CCDC60: variants seen among roughly 807,000 people sequenced by gnomAD.
CCDC60 encodes the protein coiled-coil domain containing 60.
CCDC60 carries 54 observed loss-of-function variants against 63.5 expected under a neutral mutation model. The ratio of observed to expected loss-of-function variants is 0.85; its 90% confidence interval spans 0.68 to 1.07. The LOEUF is 1.07. Among genes scored for constraint, CCDC60 ranks in the 50% least tolerant of loss-of-function variants. The probability of loss-of-function intolerance (pLI) is 0.00; values close to 1 mark genes in which losing one functional copy is unlikely to be tolerated. For synonymous variants in CCDC60, 206 were observed against 238.8 expected, an observed-to-expected ratio of 0.86 and a Z score of 1.27; for missense variants, 651 against 684.3, an observed-to-expected ratio of 0.95 and a Z score of 0.54.
chr12:119,337,046 T>C (rs1289530912), intron 1 of CCDC60, among the ~76,000 whole-genome samples: 1 of 152,184 alleles, frequency 6.6e-6, no homozygotes, highest in Non-Finnish European at 1.5e-5. Context: ...GGTCAGTCTG[T>C]GAAGGAGAGC....
chr12:119,539,684 G>T (rs1953101952), intron 13 of CCDC60, among the ~76,000 whole-genome samples: 1 of 152,214 alleles, frequency 6.6e-6, no homozygotes, highest in Admixed American at 6.5e-5. Context: ...CTTTCCAGGG[G>T]AGTGGCAGTT....
At chr12:119,390,934 G>C (rs1240164529) in intron 1 of CCDC60, among the ~76,000 whole-genome samples, 2 of 152,230 alleles carry the variant, frequency 1.3e-5, no homozygotes. Context: ...ATGCCACTTG[G>C]CTTAATTTCC....
rs376494018 is a variant in CCDC60 at position 119,428,732 on chromosome 12, T to G, written c.140T>G (p.Ile47Arg). ...KSIKYMDKEI[I>R]NLKKDLIRSR... ...ATCAAGTATATGGACAAGGAAATAATAAACCTCAAAAAGGACCTTATACGA... is the reference window on the plus strand; with the variant it reads ...ATCAAGTATATGGACAAGGAAATAAGAAACCTCAAAAAGGACCTTATACGA... Residue 47 changes from isoleucine to arginine, a missense_variant, in exon 2 of 14, where the codon ATA becomes AGA. Coordinates refer to ENST00000327554, the MANE Select transcript of CCDC60 (RefSeq NM_178499.5). 1.9e-6 allele frequency: 3 copies of G among 1,606,406 alleles called. No individual in the cohort carries two copies. Among genetic ancestry groups the G allele is most frequent in the African/African-American group, 1.3e-5 (1 of 74,912 alleles).
At chr12:119,501,722 A>T (rs1050358935) in intron 6 of CCDC60, among the ~76,000 whole-genome samples, 1 of 152,234 alleles carries the variant, frequency 6.6e-6, no homozygotes, top group African/African-American at 2.4e-5. Flanking sequence ...CCTTTAAAAA[A>T]AGTCCTTCAG....
At chr12:119,435,302 T>C (rs926817786) in intron 2 of CCDC60, among the ~76,000 whole-genome samples, 13 of 152,200 alleles carry the variant, frequency 8.5e-5, no homozygotes, top group Admixed American at 2.6e-4. Flanking sequence ...GGAAGGCTTA[T>C]TAGCTTAGTA....
At chr12:119,366,655 T>G (rs1955843320) in intron 1 of CCDC60, among the ~76,000 whole-genome samples, 1 of 152,190 alleles carries the variant, frequency 6.6e-6, no homozygotes, top group African/African-American at 2.4e-5. Context: ...TTAGATGGCA[T>G]GTGCCTGTTC....
At chr12:119,398,998 G>C (rs1474908117) in intron 1 of CCDC60, among the ~76,000 whole-genome samples, 1 of 152,180 alleles carries the variant, frequency 6.6e-6, no homozygotes, top group African/African-American at 2.4e-5. Context: ...TGATGCATGG[G>C]GAGGTTCTAA....
intron 2 of CCDC60, among the ~76,000 whole-genome samples, chr12:119,463,983 C>T (rs1341790758): frequency 6.6e-6 from 1 of 151,858 alleles, no homozygotes; most frequent in Non-Finnish European, 1.5e-5. Flanking sequence ...CTCTTCCTTT[C>T]TTTTTTCCTC....
At chr12:119,337,848 GT>G in intron 1 of CCDC60, among the ~76,000 whole-genome samples, 1 of 151,686 alleles carries the variant, frequency 6.6e-6, no homozygotes, top group African/African-American at 2.4e-5. Flanking sequence ...GTGTGTGTGT[GT>G]GTGTGTGTGT....
chr12:119,390,154 A>G (rs1046767428), intron 1 of CCDC60, among the ~76,000 whole-genome samples: 6 of 152,226 alleles, frequency 3.9e-5, no homozygotes, highest in Non-Finnish European at 5.9e-5. Flanking sequence ...AGGCTTCAAT[A>G]TACCTCACAT....
intron 1 of CCDC60, among the ~76,000 whole-genome samples, chr12:119,409,890 ACCTC>A (rs1956562132): frequency 2.1e-5 from 3 of 144,050 alleles, no homozygotes; most frequent in Admixed American, 2.1e-4. Flanking sequence ...CTCTTTTCCC[ACCTC>A]CCTCTCTGAC....
At chr12:119,438,406 G>T (rs1450870306) in intron 2 of CCDC60, among the ~76,000 whole-genome samples, 1 of 152,220 alleles carries the variant, frequency 6.6e-6, no homozygotes, top group Non-Finnish European at 1.5e-5. Context: ...CAGATGACAA[G>T]CAATGTGCTC....
intron 2 of CCDC60, among the ~76,000 whole-genome samples, chr12:119,457,830 C>T (rs1950776144): frequency 6.6e-6 from 1 of 152,182 alleles, no homozygotes; most frequent in Non-Finnish European, 1.5e-5. Context: ...CAAATTTCAT[C>T]TCAATTGCAT....
intron 2 of CCDC60, among the ~76,000 whole-genome samples, chr12:119,440,530 AAAAT>A (rs1339554368): frequency 6.6e-6 from 1 of 152,226 alleles, no homozygotes; most frequent in African/African-American, 2.4e-5. Flanking sequence ...ACTCCATCTC[AAAAT>A]AAATAAACAA....
intron 5 of CCDC60, among the ~76,000 whole-genome samples, chr12:119,489,436 G>T (rs1364608412): frequency 6.6e-6 from 1 of 152,168 alleles, no homozygotes; most frequent in African/African-American, 2.4e-5. Context: ...CCCTGGAGCA[G>T]CTGGGTTTGT....
chr12:119,366,037 A>G (rs1437480282), intron 1 of CCDC60, among the ~76,000 whole-genome samples: 3 of 152,208 alleles, frequency 2.0e-5, no homozygotes, highest in African/African-American at 7.2e-5. Context: ...ATATATCTAG[A>G]CCTAACTATA....
intron 1 of CCDC60, among the ~76,000 whole-genome samples, chr12:119,395,554 C>T (rs1420243730): frequency 1.3e-5 from 2 of 152,206 alleles, no homozygotes; most frequent in Non-Finnish European, 2.9e-5. Flanking sequence ...CCTCATGAAC[C>T]AATCACCTCC....
chr12:119,515,145 C>G (rs1478589239), intron 7 of CCDC60, among the ~76,000 whole-genome samples: 1 of 152,086 alleles, frequency 6.6e-6, no homozygotes, highest in Non-Finnish European at 1.5e-5. Flanking sequence ...CAAGATGGGT[C>G]CCCATTGTTA....
intron 2 of CCDC60, among the ~76,000 whole-genome samples, chr12:119,444,111 A>G (rs556617546): frequency 5.9e-5 from 9 of 152,336 alleles, no homozygotes; most frequent in African/African-American, 1.9e-4. Flanking sequence ...CTGATGGGAA[A>G]ATCAGATGCC....
Sources: allele counts gnomAD v4.1 joint callset (sites outside exome capture counted in the v4.1 genomes callset), GRCh38; gene constraint gnomAD v4.1.1; transcripts MANE v1.5; gene names NCBI Gene and HGNC (gene_info 2026-07-23, HGNC 2026-07-21).